Variants in PATL2 observed in about 807,000 individuals in gnomAD.
PATL2 encodes the protein PAT1 homolog 2, also known as protein PAT1 homolog 2.
PATL2 carries 73 observed loss-of-function variants against 77.0 expected under a neutral mutation model. That is an observed-to-expected ratio of 0.95 (90% CI 0.78 to 1.15). The LOEUF is 1.15. PATL2 is among the 50% of genes most tolerant of loss of function. The pLI is 0.00. For missense variants in PATL2, 618 were observed against 655.4 expected (o/e 0.94, Z 0.62); for synonymous variants, 265 against 257.1 (o/e 1.03, Z -0.29).
chr15:44,703,052 G>T (rs2141267284), intron 3 of PATL2, among the ~76,000 whole-genome samples: 1 of 152,202 alleles, frequency 6.6e-6, no homozygotes, highest in East Asian at 1.9e-4. Flanking sequence ...AAGGCAGGTG[G>T]ATCACAAGGT....
chr15:44,688,958 T>C (rs2086324100), intron 3 of PATL2, among the ~76,000 whole-genome samples: 2 of 152,108 alleles, frequency 1.3e-5, no homozygotes, highest in Admixed American at 6.6e-5. Flanking sequence ...TTGCAATCTA[T>C]CCATCTGACA....
At chr15:44,672,244 G>A (rs918029998) in intron 8 of PATL2, 88 bp from the exon 9 acceptor site, 5 of 1,544,106 alleles carry the variant, frequency 3.2e-6, no homozygotes, top group Non-Finnish European at 4.4e-6. Context: ...GGCTCTCTGG[G>A]AAGGATGGAG....
chr15:44,688,359 A>T (rs1566864079), intron 3 of PATL2, among the ~76,000 whole-genome samples: 1 of 152,050 alleles, frequency 6.6e-6, no homozygotes, highest in Non-Finnish European at 1.5e-5. Context: ...TAAATTTCAT[A>T]TGGAACCAAA....
At chr15:44,683,851 C>T (rs968665986) in intron 3 of PATL2, among the ~76,000 whole-genome samples, 10 of 152,276 alleles carry the variant, frequency 6.6e-5, no homozygotes, top group African/African-American at 2.2e-4. Context: ...AGAGCTCCGG[C>T]TGGCATCTTG....
chr15:44,675,438 C>G, intron 5 of PATL2, 48 bp downstream of exon 5: 1 of 1,517,610 alleles, frequency 6.6e-7, no homozygotes, highest in Non-Finnish European at 8.9e-7. Context: ...GCCTGTGAGC[C>G]ACAGACAGTT....
intron 11 of PATL2, 59 bp downstream of exon 11, chr15:44,669,718 T>C: frequency 6.5e-7 from 1 of 1,528,946 alleles, no homozygotes; most frequent in East Asian, 2.5e-5. Flanking sequence ...AACACAAGAA[T>C]GTTCTAGACC....
In PATL2 at chr15:44,669,123, A is replaced by C; in HGVS notation, c.1081T>G (p.Phe361Val). Reference sequence around the variant, plus strand: ...TTCCTCACAGAGAGCACCTGCAGGAAGCCATCTGCTGCCTCTCTGCAAGGG... The same window carrying C: ...TTCCTCACAGAGAGCACCTGCAGGACGCCATCTGCTGCCTCTCTGCAAGGG... Reference protein sequence around the residue: ...QNNLEEAADGFLQVLSVRKGK... With the variant: ...QNNLEEAADGVLQVLSVRKGK... Residue 361 changes from phenylalanine (F) to valine (V), a missense_variant, in exon 14 of 18, where the codon TTC (phenylalanine) becomes GTC (valine). Physicochemically the swap from Phe to Val is conservative, Grantham distance 50. Transcript: ENST00000682850. 1 of 1,543,254 alleles carries C rather than the reference A, an allele frequency of 6.5e-7. No homozygotes were observed. Among genetic ancestry groups the C allele is most frequent in the Non-Finnish European group, 8.8e-7 (1 of 1,141,880 alleles).
intron 3 of PATL2, among the ~76,000 whole-genome samples, chr15:44,708,222 A>T (rs1713711399): frequency 6.6e-6 from 1 of 152,088 alleles, no homozygotes; most frequent in Admixed American, 6.5e-5. Flanking sequence ...TTTGGTTCTT[A>T]TGAAGGTGCT....
intron 3 of PATL2, among the ~76,000 whole-genome samples, chr15:44,689,033 C>T (rs539869235): frequency 2.6e-5 from 4 of 152,186 alleles, no homozygotes; most frequent in African/African-American, 9.6e-5. Flanking sequence ...CAAACAACCC[C>T]ATCAAAAAGT....
intron 13 of PATL2, 56 bp from the exon 14 acceptor site, chr15:44,669,195 TGCCACAAAGGAGAG>T (rs2141173295): frequency 1.1e-5 from 17 of 1,522,446 alleles, no homozygotes; most frequent in Non-Finnish European, 1.2e-5. Flanking sequence ...GAGGGCTACA[TGCCACAAAGGAGAG>T]GCAGAAGCAA....
rs1427576316 is a variant in PATL2, at chr15:44,672,453, A to G, written c.450T>C (p.His150=). 2.3e-5 allele frequency: 36 copies of G among 1,551,430 alleles called. No individual in the cohort carries two copies. The highest frequency in any genetic ancestry group is 3.1e-5 in the Non-Finnish European group (36 of 1,146,884). ...LLTSWPPRFS[H]LTQLHPRHQR... ...GGTGCCGAGGGTGGAGCTGGGTCAG[A>G]TGACTGGGAAGACAAGAAGTAACGA... Residue 150 remains histidine (H), a synonymous_variant, in exon 8 of 18, where the codon CAT becomes CAC. Coordinates refer to ENST00000682850, the MANE Select transcript of PATL2 (RefSeq NM_001387263.1).
chr15:44,699,586 C>T (rs2086585738), intron 3 of PATL2, among the ~76,000 whole-genome samples: 1 of 152,182 alleles, frequency 6.6e-6, no homozygotes, highest in African/African-American at 2.4e-5. Flanking sequence ...GATCCACCCA[C>T]CTTGGCCTCC....
Position 44,676,456 on chromosome 15 carries a change from A to G in PATL2, c.16+19T>C. On this transcript the variant is annotated intron_variant, in intron 4 of 17. Transcript: ENST00000682850. ...ATGCTGGGGCATTTTATATAACATC[A>G]CGGCCCACTTGTTGATACCTTCAAG... 6.5e-7 allele frequency: 1 copy of G among 1,542,084 alleles called. No homozygotes were observed. Among genetic ancestry groups the G allele is most frequent in the Non-Finnish European group, 8.8e-7 (1 of 1,138,302 alleles).
intron 3 of PATL2, among the ~76,000 whole-genome samples, chr15:44,698,672 T>C (rs947927222): frequency 6.6e-6 from 1 of 152,256 alleles, no homozygotes; most frequent in Admixed American, 6.5e-5. Flanking sequence ...CTTCCAAATC[T>C]TGACTATTTT....
At position 44,669,060 on chromosome 15, in the gene PATL2, G is replaced by T. The variant is rs1257514216; in HGVS notation, c.1144C>A (p.Pro382Thr). Residue 382 changes from proline (P) to threonine (T), a missense_variant, in exon 14 of 18, where the codon CCC becomes ACC. Coordinates refer to ENST00000682850, the MANE Select transcript of PATL2 (RefSeq NM_001387263.1). ...ALVARLLPFL[P>T]QDQAVTILLA... ...AGAATGGTAACAGCCTGATCCTGGG[G>T]CAGGAAGGGGAGCAGCCGGGCCACC... 6.4e-7 allele frequency: 1 copy of T among 1,551,336 alleles called. No homozygotes were observed. The highest frequency in any genetic ancestry group is 8.7e-7 in the Non-Finnish European group (1 of 1,146,800).
intron 3 of PATL2, among the ~76,000 whole-genome samples, chr15:44,692,902 G>A (rs1281027765): frequency 1.3e-5 from 2 of 152,236 alleles, no homozygotes; most frequent in Non-Finnish European, 2.9e-5. Flanking sequence ...GATGTGCTGG[G>A]CCCACATCAC....
At chr15:44,704,994 A>G (rs1303574507) in intron 3 of PATL2, among the ~76,000 whole-genome samples, 1 of 151,752 alleles carries the variant, frequency 6.6e-6, no homozygotes, top group Non-Finnish European at 1.5e-5. Flanking sequence ...TGTATTCTTG[A>G]CCTTGGGAGT....
Position 44,672,457 on chromosome 15 carries a change from C to T in PATL2, c.447-1G>A, listed in dbSNP as rs2085737155. ...CCGAGGGTGGAGCTGGGTCAGATGA[C>T]TGGGAAGACAAGAAGTAACGAGCTG... On this transcript the variant is annotated splice_acceptor_variant, in intron 7 of 17. Coordinates refer to ENST00000682850, the MANE Select transcript of PATL2 (RefSeq NM_001387263.1). LOFTEE classifies it high-confidence loss of function. 6.4e-7 allele frequency: 1 copy of T among 1,551,412 alleles called. No individual in the cohort carries two copies. The highest frequency in any genetic ancestry group is 1.4e-5 in the African/African-American group (1 of 73,036).
At chr15:44,702,522 A>C (rs1026848619) in intron 3 of PATL2, among the ~76,000 whole-genome samples, 2 of 150,906 alleles carry the variant, frequency 1.3e-5, no homozygotes, top group Non-Finnish European at 3.0e-5. Context: ...TTTCCTTCTA[A>C]TAATTTTGGG....
Sources: allele counts gnomAD v4.1 joint callset (sites outside exome capture counted in the v4.1 genomes callset), GRCh38; gene constraint gnomAD v4.1.1; transcripts MANE v1.5; gene names NCBI Gene and HGNC (gene_info 2026-07-23, HGNC 2026-07-21).